ACOXL: variants seen among roughly 807,000 people sequenced by gnomAD.
ACOXL encodes acyl-CoA oxidase like.
In ACOXL, 70 loss-of-function variants were observed where a neutral mutation model predicts 71.9. The ratio of observed to expected loss-of-function variants is 0.97; its 90% CI spans 0.80 to 1.19. ACOXL has a LOEUF of 1.19. Among genes scored for constraint, ACOXL ranks in the 50% most tolerant of loss-of-function variants. The probability of loss-of-function intolerance (pLI) is 0.00; values close to 1 mark genes in which losing one functional copy is unlikely to be tolerated. For synonymous variants in ACOXL, 253 were observed against 281.6 expected, an observed-to-expected ratio of 0.90 and a Z score of 1.02; for missense variants, 703 against 736.3, an observed-to-expected ratio of 0.95 and a Z score of 0.52.
At chr2:110,956,236 T>A (rs540710407) in intron 12 of ACOXL, among the ~76,000 whole-genome samples, 1 of 152,228 alleles carries the variant, frequency 6.6e-6, no homozygotes, top group Non-Finnish European at 1.5e-5. Context: ...CCTATTTTAT[T>A]TGTCCACCTG....
chr2:110,770,462 C>T (rs982407982), intron 2 of ACOXL, among the ~76,000 whole-genome samples: 11 of 152,350 alleles, frequency 7.2e-5, no homozygotes, highest in Admixed American at 2.0e-4. Flanking sequence ...GGCACCTCCA[C>T]GCTGACAAGG....
At chr2:110,802,132 A>G (rs539557542) in intron 8 of ACOXL, among the ~76,000 whole-genome samples, 71 of 152,346 alleles carry the variant, frequency 4.7e-4, no homozygotes, top group African/African-American at 1.7e-3. Context: ...ATCATCTTTA[A>G]TATCACTATA....
intron 12 of ACOXL, among the ~76,000 whole-genome samples, chr2:110,983,936 G>A (rs189887648): frequency 1.1e-3 from 171 of 152,142 alleles, no homozygotes; most frequent in African/African-American, 4.0e-3. Flanking sequence ...TGCAACCTCC[G>A]TCTCCCGGGT....
At chr2:111,091,208 ACAGCTCCAGTTAC>A (rs2068506223) in intron 16 of ACOXL, among the ~76,000 whole-genome samples, 1 of 152,122 alleles carries the variant, frequency 6.6e-6, no homozygotes, top group Non-Finnish European at 1.5e-5. Context: ...GAAGGTGGTA[ACAGCTCCAGTTAC>A]CAGCTCCAGG....
At chr2:111,097,481 C>G (rs2068869113) in intron 17 of ACOXL, among the ~76,000 whole-genome samples, 1 of 152,226 alleles carries the variant, frequency 6.6e-6, no homozygotes, top group Admixed American at 6.5e-5. Context: ...CCACATCCAG[C>G]ACCCAGTTCT....
intron 2 of ACOXL, among the ~76,000 whole-genome samples, chr2:110,782,122 C>T (rs1030278124): frequency 1.3e-5 from 2 of 152,178 alleles, no homozygotes; most frequent in African/African-American, 2.4e-5. Context: ...TACAAACTTA[C>T]ATGCTACTAC....
intron 13 of ACOXL, among the ~76,000 whole-genome samples, chr2:110,995,611 A>G (rs1574424578): frequency 6.6e-6 from 1 of 152,202 alleles, no homozygotes; most frequent in Admixed American, 6.5e-5. Context: ...AAGACTATGT[A>G]AAATATTGAA....
At chr2:110,943,181 AGAAG>A (rs1420204385) in intron 12 of ACOXL, among the ~76,000 whole-genome samples, 6 of 146,340 alleles carry the variant, frequency 4.1e-5, no homozygotes, top group Non-Finnish European at 7.6e-5. Context: ...AGGGAGGGAA[AGAAG>A]GAAGGAAGGA....
At chr2:110,807,372 T>G (rs745584063) in intron 9 of ACOXL, among the ~76,000 whole-genome samples, 2 of 152,080 alleles carry the variant, frequency 1.3e-5, no homozygotes, top group Non-Finnish European at 2.9e-5. Context: ...GTGTGATGGT[T>G]GTTGTTGTTG....
chr2:111,066,344 T>G (rs560707964), intron 16 of ACOXL, among the ~76,000 whole-genome samples: 2 of 152,284 alleles, frequency 1.3e-5, no homozygotes, highest in East Asian at 1.9e-4. Flanking sequence ...TATGGAGAGA[T>G]AACAGATTAG....
intron 17 of ACOXL, among the ~76,000 whole-genome samples, chr2:111,106,696 G>A (rs2069560140): frequency 6.6e-6 from 1 of 152,142 alleles, no homozygotes. Flanking sequence ...GTTCCAGTGG[G>A]GAAAAGGGGG....
At chr2:111,114,802 GC>G (rs2070231674) in intron 17 of ACOXL, among the ~76,000 whole-genome samples, 1 of 151,790 alleles carries the variant, frequency 6.6e-6, no homozygotes, top group East Asian at 1.9e-4. Context: ...GTCAAAAAGA[GC>G]AGAAAAATAA....
chr2:111,009,397 C>T (rs947459235), intron 14 of ACOXL, among the ~76,000 whole-genome samples: 1 of 151,740 alleles, frequency 6.6e-6, no homozygotes, highest in Non-Finnish European at 1.5e-5. Flanking sequence ...GCCTGTAATC[C>T]CAGCTACTCA....
At chr2:110,866,031 C>CTAT (rs1694544654) in intron 10 of ACOXL, among the ~76,000 whole-genome samples, 1 of 152,094 alleles carries the variant, frequency 6.6e-6, no homozygotes, top group Admixed American at 6.5e-5. Flanking sequence ...GTGGTAAATA[C>CTAT]TATTTTAAGA....
At chr2:110,760,109 A>C (rs1404234929) in intron 1 of ACOXL, among the ~76,000 whole-genome samples, 1 of 151,208 alleles carries the variant, frequency 6.6e-6, no homozygotes, top group Non-Finnish European at 1.5e-5. Context: ...TTCCAGGTGT[A>C]CAATCATATT....
chr2:110,949,259 G>A (rs184083186), intron 12 of ACOXL, among the ~76,000 whole-genome samples: 3 of 152,270 alleles, frequency 2.0e-5, no homozygotes, highest in African/African-American at 7.2e-5. Context: ...TCTGTCTGGG[G>A]TCCAAGTGTC....
chr2:110,973,302 G>C (rs760267855), intron 12 of ACOXL, among the ~76,000 whole-genome samples: 14 of 152,218 alleles, frequency 9.2e-5, no homozygotes, highest in Non-Finnish European at 2.1e-4. Context: ...AGGCCAACCT[G>C]CTACAGCCTG....
chr2:110,981,022 A>G (rs1217555578), intron 12 of ACOXL, among the ~76,000 whole-genome samples: 3 of 152,174 alleles, frequency 2.0e-5, no homozygotes, highest in Non-Finnish European at 2.9e-5. Flanking sequence ...GTGACTACAC[A>G]GAGCCTGGCA....
chr2:110,842,528 A>G (rs967668685), intron 10 of ACOXL, among the ~76,000 whole-genome samples: 6 of 152,240 alleles, frequency 3.9e-5, no homozygotes, highest in South Asian at 2.1e-4. Flanking sequence ...GACCCAAAGT[A>G]ACAGAGAAAC....
Sources: allele counts gnomAD v4.1 joint callset (sites outside exome capture counted in the v4.1 genomes callset), GRCh38; gene constraint gnomAD v4.1.1; transcripts MANE v1.5; gene names NCBI Gene and HGNC (gene_info 2026-07-23, HGNC 2026-07-21).